Variants in SLC24A3 observed in about 807,000 individuals in gnomAD.
SLC24A3 encodes the protein solute carrier family 24 member 3.
SLC24A3 carries 28 observed loss-of-function variants against 75.8 expected under a neutral mutation model. The observed-to-expected ratio is 0.37, with a 90% CI of 0.27 to 0.51. The LOEUF (loss-of-function observed/expected upper bound fraction) is 0.51, where lower values mean the gene tolerates loss of function less well. Among genes scored for constraint, SLC24A3 ranks in the 20% least tolerant of loss-of-function variants. The pLI is 0.94. For synonymous variants in SLC24A3, 372 were observed against 334.1 expected (o/e 1.11, Z -1.24); for missense variants, 663 against 847.8 (o/e 0.78, Z 2.71).
At chr20:19,231,568 C>G (rs1328274766) in intron 1 of SLC24A3, among the ~76,000 whole-genome samples, 1 of 152,172 alleles carries the variant, frequency 6.6e-6, no homozygotes, top group African/African-American at 2.4e-5. Context: ...TGGGGGGTGC[C>G]TCCAGGAGCT....
intron 3 of SLC24A3, among the ~76,000 whole-genome samples, chr20:19,577,816 T>C (rs1166657047): frequency 6.6e-6 from 1 of 152,272 alleles, no homozygotes; most frequent in Non-Finnish European, 1.5e-5. Context: ...GGGCGTCTTA[T>C]TGAATGATGA....
At chr20:19,378,915 A>AT (rs1986134601) in intron 2 of SLC24A3, among the ~76,000 whole-genome samples, 1 of 152,060 alleles carries the variant, frequency 6.6e-6, no homozygotes, top group Non-Finnish European at 1.5e-5. Context: ...CTCAAAAAAA[A>AT]AAAAAAGGAT....
intron 2 of SLC24A3, among the ~76,000 whole-genome samples, chr20:19,314,585 G>A (rs1984540020): frequency 6.6e-6 from 1 of 152,178 alleles, no homozygotes. Flanking sequence ...AAAGTTCTGG[G>A]ATTACAGGCG....
Position 19,620,334 on chromosome 20 carries a change from A to G in SLC24A3, c.613-33728A>G, listed in dbSNP as rs557242977. Among the ~76,000 whole-genome samples, 9 of 152,206 alleles carry G rather than the reference A, an allele frequency of 5.9e-5. No individual in the cohort carries two copies. The East Asian group carries it at 1.7e-3, about 29-fold the overall frequency. On this transcript the variant is annotated intron_variant, in intron 6 of 16. Coordinates refer to ENST00000328041, the MANE Select transcript of SLC24A3 (RefSeq NM_020689.4). ...GTGTTGTCAATCTTTTTTGGGGGGG[A>G]AAGCTTGAAGAGATAACGATTGTAT...
chr20:19,678,340 A>C (rs1414618273), intron 9 of SLC24A3, among the ~76,000 whole-genome samples: 4 of 97,610 alleles, frequency 4.1e-5, no homozygotes, highest in Non-Finnish European at 6.4e-5. Flanking sequence ...CGGGGGGCTG[A>C]CCCCCCCCAC....
chr20:19,229,558 C>T (rs930231559), intron 1 of SLC24A3, among the ~76,000 whole-genome samples: 9 of 151,790 alleles, frequency 5.9e-5, no homozygotes, highest in African/African-American at 2.2e-4. Flanking sequence ...TTTATTTTTT[C>T]TGCAATTAAT....
rs551119635 is a variant in SLC24A3 at position 19,214,999 on chromosome 20, A to G, written c.142+2015A>G. Reference sequence around the variant, plus strand: ...AGCCTCCCTGTGTTGCCCCCGAATGACATATGAGTTGAAATGGTCTCCAAT... The same window carrying G: ...AGCCTCCCTGTGTTGCCCCCGAATGGCATATGAGTTGAAATGGTCTCCAAT... On this transcript the variant is annotated intron_variant, in intron 1 of 16. Transcript: ENST00000328041. 5.3e-5 allele frequency among the ~76,000 whole-genome samples: 8 copies of G among 152,294 alleles called. No individual in the cohort carries two copies. The East Asian group carries it at 1.5e-3, about 29-fold the overall frequency.
intron 3 of SLC24A3, among the ~76,000 whole-genome samples, chr20:19,568,001 T>A (rs981439454): frequency 5.9e-5 from 9 of 151,954 alleles, no homozygotes; most frequent in African/African-American, 1.9e-4. Context: ...TGCAAAAAAA[T>A]GATATATAAA....
intron 2 of SLC24A3, among the ~76,000 whole-genome samples, chr20:19,480,619 C>T (rs1988037760): frequency 6.6e-6 from 1 of 152,166 alleles, no homozygotes; most frequent in Non-Finnish European, 1.5e-5. Context: ...CCATTCAGCT[C>T]CTGGAACCCT....
intron 1 of SLC24A3, among the ~76,000 whole-genome samples, chr20:19,225,725 A>T: frequency 6.6e-6 from 1 of 152,124 alleles, no homozygotes. Context: ...CACTCAGTAC[A>T]ATGCTTCTCA....
At chr20:19,617,455 C>T (rs1037032284) in intron 6 of SLC24A3, among the ~76,000 whole-genome samples, 5 of 152,226 alleles carry the variant, frequency 3.3e-5, no homozygotes, top group African/African-American at 1.2e-4. Context: ...GGGAGCAACA[C>T]CCTGGGACTC....
At chr20:19,522,056 G>A (rs117070493) in intron 3 of SLC24A3, among the ~76,000 whole-genome samples, 52 of 152,250 alleles carry the variant, frequency 3.4e-4, no homozygotes, top group East Asian at 1.2e-3. Context: ...GCTGTCTAAC[G>A]TGGTAGCCAC....
At chr20:19,319,259 G>A (rs948259961) in intron 2 of SLC24A3, among the ~76,000 whole-genome samples, 10 of 152,182 alleles carry the variant, frequency 6.6e-5, no homozygotes, top group African/African-American at 2.2e-4. Flanking sequence ...TTTTTGCTCC[G>A]TAAATATGCA....
intron 6 of SLC24A3, among the ~76,000 whole-genome samples, chr20:19,589,953 G>T (rs1167103977): frequency 6.6e-6 from 1 of 151,968 alleles, no homozygotes; most frequent in East Asian, 1.9e-4. Flanking sequence ...GGGAATCTAC[G>T]ATTTAAAAAC....
chr20:19,222,619 C>T (rs1006653801), intron 1 of SLC24A3, among the ~76,000 whole-genome samples: 1 of 152,236 alleles, frequency 6.6e-6, no homozygotes, highest in East Asian at 1.9e-4. Context: ...CAGAAACACT[C>T]CCCTAGACTC....
At chr20:19,465,557 T>A (rs1361672277) in intron 2 of SLC24A3, among the ~76,000 whole-genome samples, 1 of 152,162 alleles carries the variant, frequency 6.6e-6, no homozygotes, top group Admixed American at 6.5e-5. Flanking sequence ...ATTATATTAG[T>A]GATTCTATAG....
At chr20:19,234,845 C>A (rs7268852) in intron 1 of SLC24A3, among the ~76,000 whole-genome samples, 20,460 of 152,236 alleles carry the variant, frequency 0.13, 1,389 homozygotes, top group African/African-American at 0.16. Context: ...GCTTTGATTT[C>A]CAGCCCTGTG....
chr20:19,722,545 C>T lies in SLC24A3; in HGVS notation c.*1405C>T, dbSNP rs1011418728. On this transcript the variant is annotated 3_prime_UTR_variant, in exon 17 of 17. Transcript: ENST00000328041. ...TTCCACCCAGTTGAGACACACCATGCTTGTTCACTTGTATTTATTGAAACT... is the reference window on the plus strand; with the variant it reads ...TTCCACCCAGTTGAGACACACCATGTTTGTTCACTTGTATTTATTGAAACT... 2 of 152,690 alleles carry T rather than the reference C, an allele frequency of 1.3e-5. No individual in the cohort carries two copies. The highest frequency in any genetic ancestry group is 4.8e-5 in the African/African-American group (2 of 41,466). 9.5% of individuals were successfully genotyped at this position (152,690 alleles called of 1,614,324 possible). A position where few individuals can be genotyped will look rare whatever the true frequency, so the allele number is the denominator to read the frequency against.
At chr20:19,276,782 G>A (rs1472557056) in intron 1 of SLC24A3, among the ~76,000 whole-genome samples, 1 of 152,050 alleles carries the variant, frequency 6.6e-6, no homozygotes, top group Non-Finnish European at 1.5e-5. Flanking sequence ...GCATGCACCT[G>A]CAGTCCTAGA....
Sources: allele counts gnomAD v4.1 joint callset (sites outside exome capture counted in the v4.1 genomes callset), GRCh38; gene constraint gnomAD v4.1.1; transcripts MANE v1.5; gene names NCBI Gene and HGNC (gene_info 2026-07-23, HGNC 2026-07-21).